Variants in AUH observed in about 807,000 individuals in gnomAD.
AUH encodes the protein methylglutaconyl-CoA hydratase, mitochondrial.
In AUH, 29 loss-of-function variants were observed where a neutral mutation model predicts 42.3. The observed-to-expected ratio is 0.69, with a 90% CI of 0.51 to 0.93. AUH has a LOEUF of 0.93. Among genes scored for constraint, AUH ranks in the 40% least tolerant of loss-of-function variants. The pLI is 0.00. For missense variants in AUH, 452 were observed against 438.1 expected (o/e 1.03, Z -0.28); for synonymous variants, 174 against 166.4 (o/e 1.05, Z -0.35).
intron 4 of AUH, among the ~76,000 whole-genome samples, chr9:91,298,449 A>T (rs1827521671): frequency 6.6e-6 from 1 of 152,196 alleles, no homozygotes; most frequent in African/African-American, 2.4e-5. Flanking sequence ...CTTATACATA[A>T]TTGTGAAATT....
At chr9:91,345,065 G>A (rs4480236) in intron 3 of AUH, among the ~76,000 whole-genome samples, 33,691 of 151,246 alleles carry the variant, frequency 0.22, 3,955 homozygotes, top group East Asian at 0.35. Flanking sequence ...TCACCCTGAT[G>A]AACTGCATCT....
rs138074459 is a variant in AUH at position 91,238,571 on chromosome 9, T to C, written c.656-17579A>G. Among the ~76,000 whole-genome samples, 15 of 152,378 alleles carry C rather than the reference T, an allele frequency of 9.8e-5. No homozygotes were observed. The East Asian group carries it at 2.9e-3, about 29-fold the overall frequency. On this transcript the variant is annotated intron_variant, in intron 6 of 9. Coordinates refer to ENST00000375731, the MANE Select transcript of AUH (RefSeq NM_001698.3). ...ACCACAAGTGGCAAAACTGTTTTCA[T>C]CATGCAACAAAATGTCTTCATGTTC...
At chr9:91,353,883 T>C (rs967959629) in intron 3 of AUH, among the ~76,000 whole-genome samples, 4 of 134,602 alleles carry the variant, frequency 3.0e-5, no homozygotes, top group African/African-American at 5.6e-5. Flanking sequence ...TGTAAATACA[T>C]GTAAAAAAGA....
intron 1 of AUH, among the ~76,000 whole-genome samples, chr9:91,358,186 T>C (rs1463560353): frequency 6.6e-6 from 1 of 152,342 alleles, no homozygotes; most frequent in South Asian, 2.1e-4. Context: ...TTAAGGAGTA[T>C]TTACCAGGTT....
intron 7 of AUH, among the ~76,000 whole-genome samples, chr9:91,219,597 T>G (rs1827018311): frequency 6.6e-6 from 1 of 152,230 alleles, no homozygotes; most frequent in Non-Finnish European, 1.5e-5. Context: ...CTACTGAATG[T>G]ATGGCTCTGC....
Position 91,295,887 on chromosome 9 carries a change from T to C in AUH, c.655+134A>G, listed in dbSNP as rs1391773550. ...TATGCCTGTAACTTGAATGGGGACTTTGCTAGGGATGCAAACAATATGCCA... is the reference window on the plus strand; with the variant it reads ...TATGCCTGTAACTTGAATGGGGACTCTGCTAGGGATGCAAACAATATGCCA... On this transcript the variant is annotated intron_variant, in intron 6 of 9. Transcript: ENST00000375731. 14 of 993,786 alleles carry C rather than the reference T, an allele frequency of 1.4e-5. No individual in the cohort carries two copies. In the Admixed American group the frequency reaches 1.7e-4, roughly 12 times the overall value. 61.6% of individuals were successfully genotyped at this position (993,786 alleles called of 1,614,324 possible).
At chr9:91,291,886 T>G (rs1826922517) in intron 6 of AUH, among the ~76,000 whole-genome samples, 1 of 137,868 alleles carries the variant, frequency 7.3e-6, no homozygotes, top group Admixed American at 8.2e-5. Context: ...ATTGTGCCAT[T>G]GCACTCCAGT....
intron 3 of AUH, among the ~76,000 whole-genome samples, chr9:91,346,436 C>A (rs1247157763): frequency 7.2e-5 from 11 of 152,162 alleles, no homozygotes; most frequent in African/African-American, 2.7e-4. Context: ...AGCTCTGCAA[C>A]CCTCCACCCT....
intron 1 of AUH, among the ~76,000 whole-genome samples, chr9:91,358,908 C>T (rs1406869373): frequency 2.0e-5 from 3 of 152,144 alleles, no homozygotes; most frequent in African/African-American, 7.2e-5. Flanking sequence ...AAAACCTTAG[C>T]TTTATTCAGC....
intron 1 of AUH, among the ~76,000 whole-genome samples, chr9:91,358,085 A>G (rs768245999): frequency 7.2e-5 from 11 of 152,196 alleles, no homozygotes; most frequent in Admixed American, 6.5e-5. Context: ...TGGTAAAAAT[A>G]AAGGAAAGTG....
Position 91,361,868 on chromosome 9 carries a change from C to T in AUH, c.22G>A (p.Ala8Thr), listed in dbSNP as rs1429414860. 6 of 1,469,946 alleles carry T rather than the reference C, an allele frequency of 4.1e-6. No individual in the cohort carries two copies. The highest frequency in any genetic ancestry group is 5.4e-6 in the Non-Finnish European group (6 of 1,117,190). The allele number at this position is 1,469,946 out of a possible 1,614,324, so 91.1% of individuals were successfully genotyped here. Residue 8 changes from alanine (A) to threonine (T), a missense_variant, in exon 1 of 10, where the codon GCA (alanine) becomes ACA (threonine). Physicochemically the swap from Ala to Thr is moderately conservative, Grantham distance 58. Coordinates refer to ENST00000375731, the MANE Select transcript of AUH (RefSeq NM_001698.3). MAAAVAAAPGALGSLHAG... is the reference protein window; with the variant it reads MAAAVAATPGALGSLHAG... ...TGCAGGGATCCCAAGGCCCCAGGTGCCGCCGCCACCGCGGCCGCCATGTTG... is the reference window on the plus strand; with the variant it reads ...TGCAGGGATCCCAAGGCCCCAGGTGTCGCCGCCACCGCGGCCGCCATGTTG...
At chr9:91,279,339 C>G (rs1189005441) in intron 6 of AUH, among the ~76,000 whole-genome samples, 1 of 152,052 alleles carries the variant, frequency 6.6e-6, no homozygotes, top group Non-Finnish European at 1.5e-5. Flanking sequence ...AGAGAAATAA[C>G]TTGTCTAAAG....
chr9:91,252,295 G>A lies in AUH; in HGVS notation c.656-31303C>T, dbSNP rs1829175625. On this transcript the variant is annotated intron_variant, in intron 6 of 9. Transcript: ENST00000375731. ...TTTTTTTTTAGGAAAAAAGTAGTAG[G>A]CATTTAAAAACAAAACTTGTACATA... 2.0e-5 allele frequency among the ~76,000 whole-genome samples: 3 copies of A among 152,036 alleles called. No homozygotes were observed. The South Asian group carries it at 6.2e-4, about 32-fold the overall frequency.
At chr9:91,297,674 C>T (rs1827457610) in intron 5 of AUH, among the ~76,000 whole-genome samples, 1 of 151,734 alleles carries the variant, frequency 6.6e-6, no homozygotes, top group Non-Finnish European at 1.5e-5. Context: ...CTCACTGCAG[C>T]CTCAAACTCC....
chr9:91,307,781 G>C (rs955129651), intron 4 of AUH, among the ~76,000 whole-genome samples: 4 of 152,136 alleles, frequency 2.6e-5, no homozygotes, highest in Non-Finnish European at 5.9e-5. Context: ...AGTATATACA[G>C]GGTTTGGTAT....
At chr9:91,317,326 A>T (rs535079793) in intron 4 of AUH, among the ~76,000 whole-genome samples, 10 of 152,264 alleles carry the variant, frequency 6.6e-5, no homozygotes, top group African/African-American at 2.4e-4. Context: ...CAATCTTCCT[A>T]TTCAAGAGGA....
chr9:91,222,642 G>A (rs2051460850), intron 6 of AUH, among the ~76,000 whole-genome samples: 1 of 152,198 alleles, frequency 6.6e-6, no homozygotes, highest in Admixed American at 6.5e-5. Context: ...TACGGGATAA[G>A]CTGCATGGAA....
chr9:91,318,884 C>T (rs1398727606), intron 4 of AUH, among the ~76,000 whole-genome samples: 1 of 152,144 alleles, frequency 6.6e-6, no homozygotes, highest in African/African-American at 2.4e-5. Flanking sequence ...TTGCTGGCAA[C>T]AATTAATAAA....
chr9:91,282,098 C>T (rs1280555167), intron 6 of AUH, among the ~76,000 whole-genome samples: 1 of 151,994 alleles, frequency 6.6e-6, no homozygotes, highest in East Asian at 1.9e-4. Flanking sequence ...TCCTATTGCT[C>T]TCCTCCTCCT....
Sources: allele counts gnomAD v4.1 joint callset (sites outside exome capture counted in the v4.1 genomes callset), GRCh38; gene constraint gnomAD v4.1.1; transcripts MANE v1.5; gene names NCBI Gene and HGNC (gene_info 2026-07-23, HGNC 2026-07-21).